Variants in GALNT14 observed in about 807,000 individuals in gnomAD.
The protein encoded by GALNT14 is polypeptide N-acetylgalactosaminyltransferase 14.
GALNT14 carries 60 observed loss-of-function variants against 77.5 expected under a neutral mutation model. The ratio of observed to expected loss-of-function variants is 0.77; its 90% CI spans 0.63 to 0.96. The LOEUF is 0.96. GALNT14 is among the 40% of genes least tolerant of loss of function. The probability of loss-of-function intolerance (pLI) is 0.00; values close to 1 mark genes in which losing one functional copy is unlikely to be tolerated. For synonymous variants in GALNT14, 280 were observed against 281.7 expected (o/e 0.99, Z 0.06); for missense variants, 710 against 731.0 (o/e 0.97, Z 0.33).
chr2:31,027,747 T>C (rs1223094535), intron 1 of GALNT14, among the ~76,000 whole-genome samples: 1 of 152,176 alleles, frequency 6.6e-6, no homozygotes, highest in East Asian at 1.9e-4. Flanking sequence ...AATGGGAATG[T>C]AAATTAAATT....
At chr2:30,978,754 G>A (rs755921741) in intron 2 of GALNT14, among the ~76,000 whole-genome samples, 2 of 152,228 alleles carry the variant, frequency 1.3e-5, no homozygotes, top group African/African-American at 2.4e-5. Context: ...GATGGACAGT[G>A]TGAGTGCCAG....
At chr2:30,953,411 C>T (rs960225804) in intron 6 of GALNT14, among the ~76,000 whole-genome samples, 1 of 150,550 alleles carries the variant, frequency 6.6e-6, no homozygotes, top group Non-Finnish European at 1.5e-5. Flanking sequence ...CTGGTTCAAG[C>T]GATTCTCCTG....
intron 1 of GALNT14, among the ~76,000 whole-genome samples, chr2:31,087,796 C>T (rs962072663): frequency 3.9e-5 from 6 of 152,196 alleles, no homozygotes; most frequent in African/African-American, 1.4e-4. Flanking sequence ...TTTGTGTCCC[C>T]TCCAAATCCG....
chr2:31,095,758 G>C (rs1558566099), intron 1 of GALNT14, among the ~76,000 whole-genome samples: 1 of 152,160 alleles, frequency 6.6e-6, no homozygotes. Flanking sequence ...CGTAGTAGCT[G>C]TAAGACATAT....
At chr2:30,894,704 G>A in the GALNT14 span, among the ~76,000 whole-genome samples, 1 of 152,200 alleles carries the variant, frequency 6.6e-6, no homozygotes, top group Non-Finnish European at 1.5e-5. Context: ...GCTCTGGTTG[G>A]CTATTACCCT....
At chr2:31,003,642 C>G (rs1670495156) in intron 1 of GALNT14, among the ~76,000 whole-genome samples, 1 of 152,234 alleles carries the variant, frequency 6.6e-6, no homozygotes, top group African/African-American at 2.4e-5. Flanking sequence ...CCACCCATGT[C>G]TCAATTGCGC....
chr2:30,902,817 G>A, the GALNT14 span, among the ~76,000 whole-genome samples: 1 of 152,088 alleles, frequency 6.6e-6, no homozygotes, highest in Non-Finnish European at 1.5e-5. Flanking sequence ...ATACACTGAG[G>A]GCGACAGAGG....
intron 1 of GALNT14, among the ~76,000 whole-genome samples, chr2:31,001,439 G>A (rs1349016104): frequency 1.2e-4 from 18 of 152,098 alleles, no homozygotes; most frequent in African/African-American, 4.8e-5. Context: ...AAAATAAACC[G>A]TGGCTCCCAA....
intron 1 of GALNT14, among the ~76,000 whole-genome samples, chr2:31,062,819 T>C (rs1674689552): frequency 6.6e-6 from 1 of 152,258 alleles, no homozygotes; most frequent in Non-Finnish European, 1.5e-5. Context: ...CCAGTGATGA[T>C]GAGCTTTTTT....
intron 2 of GALNT14, among the ~76,000 whole-genome samples, chr2:30,973,589 T>C (rs1668480752): frequency 6.6e-6 from 1 of 152,198 alleles, no homozygotes; most frequent in Admixed American, 6.5e-5. Context: ...GCTGGCCCCT[T>C]GGTTCAAACT....
intron 1 of GALNT14, among the ~76,000 whole-genome samples, chr2:31,016,182 G>T (rs1045025435): frequency 2.6e-5 from 4 of 152,158 alleles, no homozygotes; most frequent in Non-Finnish European, 5.9e-5. Flanking sequence ...AGTTTCTCCT[G>T]AGGCCTCTCC....
chr2:31,044,222 G>A (rs1211171449), intron 1 of GALNT14, among the ~76,000 whole-genome samples: 2 of 152,130 alleles, frequency 1.3e-5, no homozygotes, highest in Non-Finnish European at 2.9e-5. Flanking sequence ...TATTTGGAAG[G>A]ACACAGCAAT....
At chr2:30,944,249 C>A (rs190656330) in intron 8 of GALNT14, among the ~76,000 whole-genome samples, 5 of 152,284 alleles carry the variant, frequency 3.3e-5, no homozygotes, top group Admixed American at 6.5e-5. Flanking sequence ...TACCCCAAGC[C>A]CTCAGTTGGT....
intron 3 of GALNT14, among the ~76,000 whole-genome samples, chr2:30,961,355 A>G (rs555084995): frequency 1.3e-5 from 2 of 152,180 alleles, no homozygotes; most frequent in Non-Finnish European, 2.9e-5. Context: ...GCCGGCTGAC[A>G]GTTGAGTTTA....
At chr2:31,051,284 A>C (rs1233620939) in intron 1 of GALNT14, among the ~76,000 whole-genome samples, 2 of 152,246 alleles carry the variant, frequency 1.3e-5, no homozygotes, top group African/African-American at 2.4e-5. Context: ...GTGAAGCACC[A>C]GTCTAGATGT....
chr2:30,985,334 CA>C (rs1242159139), intron 2 of GALNT14, among the ~76,000 whole-genome samples: 1 of 152,156 alleles, frequency 6.6e-6, no homozygotes, highest in South Asian at 2.1e-4. Flanking sequence ...CCCTGAAACT[CA>C]AAAAAACAGG....
rs544999232 is a variant in GALNT14, at chr2:31,101,450, G to A, written c.129+36508C>T. Among the ~76,000 whole-genome samples the A allele has an allele frequency of 1.7e-3, 258 of 151,738 alleles. 3 individuals carry two copies. The highest frequency in any genetic ancestry group is 6.0e-3 in the African/African-American group (249 of 41,334). On this transcript the variant is annotated intron_variant, in intron 1 of 14. Transcript: ENST00000349752. ...ACAGAGTTCTATGCTCTGGACTAGT[G>A]CATTTTTCTTTGAAGAATGTATACC...
intron 2 of GALNT14, among the ~76,000 whole-genome samples, chr2:30,970,574 A>C (rs1358545278): frequency 3.3e-5 from 5 of 152,080 alleles, no homozygotes; most frequent in Non-Finnish European, 7.4e-5. Flanking sequence ...AGAAAAGGAA[A>C]GGACCATGGA....
At chr2:30,910,072 A>AG (rs1664268063), downstream of GALNT14, among the ~76,000 whole-genome samples, 1 of 70,726 alleles carries the variant, frequency 1.4e-5, no homozygotes, top group Non-Finnish European at 2.6e-5. Flanking sequence ...GGGTGGGGGG[A>AG]GGGGGGAGGG....
Sources: allele counts gnomAD v4.1 joint callset (sites outside exome capture counted in the v4.1 genomes callset), GRCh38; gene constraint gnomAD v4.1.1; transcripts MANE v1.5; gene names NCBI Gene and HGNC (gene_info 2026-07-23, HGNC 2026-07-21).